The following PATJ variants were observed in gnomAD, a reference collection of about 807,000 sequenced individuals.
PATJ encodes inaD-like protein.
A neutral mutation model predicts 224.9 loss-of-function variants in PATJ; 190 were observed. The ratio of observed to expected loss-of-function variants is 0.84; its 90% CI spans 0.75 to 0.95. The LOEUF (loss-of-function observed/expected upper bound fraction) is 0.95, where lower values mean the gene tolerates loss of function less well. PATJ is among the 40% of genes least tolerant of loss of function. The pLI is 0.00. For missense variants in PATJ, 2,121 were observed against 2,270.3 expected (o/e 0.93, Z 1.34); for synonymous variants, 769 against 820.3 (o/e 0.94, Z 1.07).
Position 62,153,494 on chromosome 1 carries a change from T to A in PATJ, c.5502+13T>A, listed in dbSNP as rs1055994345. 1 of 1,230,044 alleles carries A rather than the reference T, an allele frequency of 8.1e-7. No homozygotes were observed. The highest frequency in any genetic ancestry group is 1.6e-5 in the African/African-American group (1 of 64,400). The allele number at this position is 1,230,044 out of a possible 1,614,324, so 76.2% of individuals were successfully genotyped here. ...TGTATTTGCAAAGGTATATCTTCTTTTTTAATGTACTTTTTTAAAAAAATT... is the reference window on the plus strand; with the variant it reads ...TGTATTTGCAAAGGTATATCTTCTTATTTAATGTACTTTTTTAAAAAAATT... On this transcript the variant is annotated intron_variant, in intron 43 of 43. Coordinates refer to ENST00000642238, the MANE Select transcript of PATJ (RefSeq NM_001350145.3).
At chr1:62,117,301 G>A in intron 37 of PATJ, 83 bp downstream of exon 37, 1 of 1,589,434 alleles carries the variant, frequency 6.3e-7, no homozygotes, top group Non-Finnish European at 8.6e-7. Context: ...TGGTTGTTTG[G>A]AAATAATATC....
intron 38 of PATJ, among the ~76,000 whole-genome samples, chr1:62,121,739 A>G (rs1570690637): frequency 6.6e-6 from 1 of 151,124 alleles, no homozygotes; most frequent in East Asian, 2.0e-4. Flanking sequence ...GTGCCACTGC[A>G]CTCCAGCCTG....
chr1:61,875,411 C>G, intron 21 of PATJ, 45 bp downstream of exon 21: 1 of 1,530,032 alleles, frequency 6.5e-7, no homozygotes, highest in Non-Finnish European at 8.9e-7. Context: ...CATTATTTTG[C>G]AAGCTTTCAG....
chr1:61,916,410 C>T (rs978688705), intron 26 of PATJ, among the ~76,000 whole-genome samples: 5 of 151,950 alleles, frequency 3.3e-5, no homozygotes, highest in African/African-American at 7.3e-5. Flanking sequence ...AAATAATAAA[C>T]TCTTTGGAAT....
chr1:62,048,841 A>C (rs1653053684), intron 30 of PATJ, among the ~76,000 whole-genome samples: 1 of 152,152 alleles, frequency 6.6e-6, no homozygotes, highest in Non-Finnish European at 1.5e-5. Flanking sequence ...TGCCCATTGA[A>C]GCATTTTGGA....
At chr1:62,084,410 T>G (rs567327750) in intron 32 of PATJ, 105 bp from the exon 33 acceptor site, 20 of 1,191,662 alleles carry the variant, frequency 1.7e-5, no homozygotes, top group Non-Finnish European at 2.1e-5. Flanking sequence ...AGGAAAAGAG[T>G]GCAGTGATAA....
intron 1 of PATJ, among the ~76,000 whole-genome samples, chr1:61,751,830 AAATAAT>A (rs1001318513): frequency 1.9e-4 from 28 of 150,482 alleles, no homozygotes; most frequent in Non-Finnish European, 2.7e-4. Flanking sequence ...TGTCTCAAAA[AAATAAT>A]AATAATAATA....
chr1:61,990,034 T>A, intron 27 of PATJ, 134 bp from the exon 28 acceptor site: 1 of 670,770 alleles, frequency 1.5e-6, no homozygotes, highest in East Asian at 2.7e-5. Context: ...CTGCGCAATA[T>A]AGCAAGACTC....
intron 15 of PATJ, among the ~76,000 whole-genome samples, chr1:61,823,960 T>G (rs1436719862): frequency 6.6e-6 from 1 of 152,178 alleles, no homozygotes; most frequent in African/African-American, 2.4e-5. Flanking sequence ...AGTCCTGTTT[T>G]AAGATGTAGT....
At chr1:61,990,031 A>G (rs1644973764) in intron 27 of PATJ, 137 bp from the exon 28 acceptor site, 2 of 659,102 alleles carry the variant, frequency 3.0e-6, no homozygotes, top group African/African-American at 1.8e-5. Context: ...AGTCTGCGCA[A>G]TATAGCAAGA....
In PATJ at chr1:61,961,971, G is replaced by GAAA. The variant is rs371746015; in HGVS notation, c.3671-28185_3671-28183dup. Among the ~76,000 whole-genome samples the GAAA allele has an allele frequency of 5.3e-5, 6 of 113,530 alleles. 1 individual carries two copies. The highest frequency in any genetic ancestry group is 2.9e-4 in the South Asian group (1 of 3,426). The allele number at this position is 113,530 out of a possible 152,430, so 74.5% of individuals were successfully genotyped here. A position where few individuals can be genotyped will look rare whatever the true frequency, so the allele number is the denominator to read the frequency against. ...GCGACAAGAATGAAACTCCGTCTTA[G>GAAA]AAAAAAAAAAAAAAGAAAGAAAAGA... On this transcript the variant is annotated intron_variant, in intron 27 of 43. Transcript: ENST00000642238.
intron 20 of PATJ, among the ~76,000 whole-genome samples, chr1:61,869,096 CA>C (rs547694832): frequency 0.02 from 2,634 of 133,486 alleles, 81 homozygotes; most frequent in African/African-American, 0.064. Context: ...ATGGAAATAA[CA>C]TTTTTTTTTT....
intron 27 of PATJ, among the ~76,000 whole-genome samples, chr1:61,940,443 G>T (rs1197815682): frequency 1.3e-5 from 2 of 152,092 alleles, no homozygotes; most frequent in Admixed American, 6.6e-5. Flanking sequence ...CTAGCCGGGC[G>T]CAGTGGTTCA....
chr1:62,073,588 G>A (rs970622868), intron 31 of PATJ, among the ~76,000 whole-genome samples: 2 of 152,132 alleles, frequency 1.3e-5, no homozygotes, highest in African/African-American at 4.8e-5. Context: ...AGCCAAGATT[G>A]CACCACTGCG....
intron 1 of PATJ, among the ~76,000 whole-genome samples, chr1:61,755,079 G>A (rs1203770793): frequency 2.0e-5 from 3 of 151,900 alleles, no homozygotes; most frequent in African/African-American, 2.4e-5. Flanking sequence ...AGGCCGAGGC[G>A]GGTTGGTCAC....
intron 16 of PATJ, 138 bp from the exon 17 acceptor site, chr1:61,833,516 C>G: frequency 1.3e-6 from 1 of 792,356 alleles, no homozygotes; most frequent in Non-Finnish European, 1.9e-6. Context: ...GCCCCTTTTA[C>G]AAAGATTAAA....
intron 9 of PATJ, 44 bp downstream of exon 9, chr1:61,791,491 TG>T (rs779148358): frequency 6.5e-6 from 8 of 1,233,252 alleles, no homozygotes; most frequent in Non-Finnish European, 7.1e-6. Context: ...TTGTAAAGGA[TG>T]TTAAGGTTTC....
At chr1:61,806,877 TG>T (rs1653679671) in intron 13 of PATJ, among the ~76,000 whole-genome samples, 1 of 151,872 alleles carries the variant, frequency 6.6e-6, no homozygotes, top group Admixed American at 6.6e-5. Context: ...TTAGGCCGGG[TG>T]GAGTAGCTCA....
chr1:61,787,907 A>AC lies in PATJ; in HGVS notation c.1010dup (p.Ala338CysfsTer20), dbSNP rs754993894. On this transcript the variant is annotated frameshift_variant, in exon 8 of 44. Transcript: ENST00000642238. LOFTEE classifies it high-confidence loss of function. The stretch of plus-strand genomic sequence containing the variant: ...AGATCCAGCTGGTGACATTTCAGTC[A>AC]CCCCCCCTGCCCCTGCAGCCTTACC... 22 of 1,612,362 alleles carry AC rather than the reference A, an allele frequency of 1.4e-5. No homozygotes were observed. Among genetic ancestry groups the AC allele is most frequent in the Middle Eastern group, 1.7e-4 (1 of 5,906 alleles).
Sources: gnomAD v4.1 joint callset for allele counts (sites outside exome capture counted in the v4.1 genomes callset) on GRCh38, gnomAD v4.1.1 for gene constraint, MANE v1.5 for transcripts, NCBI Gene and HGNC (gene_info 2026-07-23, HGNC 2026-07-21) for gene names.